Variants in PNPLA3 observed in about 807,000 individuals in gnomAD.
The protein encoded by PNPLA3 is patatin like domain 3, 1-acylglycerol-3-phosphate O-acyltransferase, also known as 1-acylglycerol-3-phosphate O-acyltransferase PNPLA3.
PNPLA3 carries 42 observed loss-of-function variants against 43.1 expected under a neutral mutation model. That is an observed-to-expected ratio of 0.97 (90% confidence interval 0.76 to 1.26). The LOEUF is 1.26. Ranked by LOEUF, PNPLA3 falls within the 50% of genes most tolerant of loss-of-function variation. The pLI is 0.00. For synonymous variants in PNPLA3, 272 were observed against 253.6 expected (o/e 1.07, Z -0.69); for missense variants, 647 against 621.4 (o/e 1.04, Z -0.44).
chr22:43,939,536 C>A (rs34352134), intron 6 of PNPLA3: 2 of 658,374 alleles, frequency 3.0e-6, no homozygotes, highest in East Asian at 1.1e-4. Flanking sequence ...CAGCCTGGGC[C>A]GGGCGCGGTG....
chr22:43,936,326 C>T (rs549716208), intron 5 of PNPLA3, among the ~76,000 whole-genome samples: 5 of 152,232 alleles, frequency 3.3e-5, no homozygotes, highest in South Asian at 2.1e-4. Context: ...AAGGCTCAGG[C>T]GTTGAGGAGC....
At chr22:43,924,950 C>T (rs1382124980) in intron 1 of PNPLA3, among the ~76,000 whole-genome samples, 1 of 152,102 alleles carries the variant, frequency 6.6e-6, no homozygotes, top group Non-Finnish European at 1.5e-5. Context: ...TCCCTGCTGC[C>T]TACGCTCTCT....
intron 4 of PNPLA3, 71 bp from the exon 5 acceptor site, chr22:43,934,535 T>G: frequency 6.8e-7 from 1 of 1,465,520 alleles, no homozygotes; most frequent in Non-Finnish European, 9.6e-7. Context: ...CTCTGCGGTC[T>G]TCCAATGATG....
In PNPLA3 at chr22:43,944,596, A is replaced by T. The variant is rs2050051152; in HGVS notation, c.1113-95A>T. ...ACCTTCTGGGAAGTCATCAGATTGG[A>T]GGTGATGTTGGCAGCTTTTGTAAAC... On this transcript the variant is annotated intron_variant, in intron 7 of 8. Coordinates refer to ENST00000216180, the MANE Select transcript of PNPLA3 (RefSeq NM_025225.3). 4.2e-6 allele frequency: 4 copies of T among 948,830 alleles called. No homozygotes were observed. The East Asian group carries it at 7.2e-5, about 17-fold the overall frequency. The allele number at this position is 948,830 out of a possible 1,614,324, so 58.8% of individuals were successfully genotyped here.
intron 5 of PNPLA3, among the ~76,000 whole-genome samples, chr22:43,936,690 G>A (rs2281135): frequency 0.2 from 30,114 of 152,140 alleles, 3,520 homozygotes; most frequent in East Asian, 0.39. Flanking sequence ...GATGATGATA[G>A]TGGTTTCTGT....
chr22:43,932,612 T>A (rs1222295220), intron 3 of PNPLA3, among the ~76,000 whole-genome samples: 1 of 152,250 alleles, frequency 6.6e-6, no homozygotes, highest in Non-Finnish European at 1.5e-5. Context: ...CCAGTTTCCA[T>A]CTGCCTCTTT....
Position 43,937,237 on chromosome 22 carries a change from G to A in PNPLA3, c.944G>A (p.Ser315Asn), listed in dbSNP as rs2050001546. The A allele has an allele frequency of 6.2e-7, 1 of 1,614,046 alleles. No homozygotes were observed. The highest frequency in any genetic ancestry group is 8.5e-7 in the Non-Finnish European group (1 of 1,179,994). Reference sequence around the variant, plus strand: ...CTCAGCATCCTGCCCTGGGATGAGAGCATCCTGGACACCCTCTCGCCCAGG... The same window carrying A: ...CTCAGCATCCTGCCCTGGGATGAGAACATCCTGGACACCCTCTCGCCCAGG... Reference protein sequence around the residue: ...LRLSILPWDESILDTLSPRLA... With the variant: ...LRLSILPWDENILDTLSPRLA... The change falls in exon 6 of 9, where the codon AGC becomes AAC. Residue 315 changes from serine to asparagine, a missense_variant. By Grantham distance (46) the Ser-to-Asn change is conservative. Transcript: ENST00000216180.
At chr22:43,927,385 G>C (rs1317865009) in intron 2 of PNPLA3, among the ~76,000 whole-genome samples, 1 of 152,010 alleles carries the variant, frequency 6.6e-6, no homozygotes, top group Non-Finnish European at 1.5e-5. Context: ...CCAGCTACTA[G>C]GGAGGCTGAG....
At position 43,932,818 on chromosome 22, in the gene PNPLA3, C is replaced by A. The variant is rs535549702; in HGVS notation, c.487-60C>A. Reference sequence around the variant, plus strand: ...TGCCCACATGTGAAAGCTTGTTAAGCACTTAAGCACTAACCCAGAGCTTCA... The same window carrying A: ...TGCCCACATGTGAAAGCTTGTTAAGAACTTAAGCACTAACCCAGAGCTTCA... On this transcript the variant is annotated intron_variant, in intron 3 of 8. Coordinates refer to ENST00000216180, the MANE Select transcript of PNPLA3 (RefSeq NM_025225.3). 2.0e-6 allele frequency: 3 copies of A among 1,478,850 alleles called. No individual in the cohort carries two copies. In the East Asian group the frequency reaches 6.8e-5, roughly 33 times the overall value. The allele number at this position is 1,478,850 out of a possible 1,614,324, so 91.6% of individuals were successfully genotyped here.
chr22:43,930,699 T>G (rs762428071), intron 3 of PNPLA3, among the ~76,000 whole-genome samples: 18 of 152,180 alleles, frequency 1.2e-4, no homozygotes, highest in Non-Finnish European at 2.6e-4. Flanking sequence ...AATATGTGCA[T>G]TGGCTGATTT....
chr22:43,936,205 A>T (rs2049994374), intron 5 of PNPLA3, among the ~76,000 whole-genome samples: 1 of 152,030 alleles, frequency 6.6e-6, no homozygotes, highest in South Asian at 2.1e-4. Flanking sequence ...CTGAGAACAG[A>T]TACCTGGCAA....
chr22:43,924,044 G>C lies in PNPLA3; in HGVS notation c.133G>C (p.Gly45Arg), dbSNP rs1454635391. 2.0e-5 allele frequency: 31 copies of C among 1,580,340 alleles called. No homozygotes were observed. The highest frequency in any genetic ancestry group is 2.6e-5 in the Non-Finnish European group (31 of 1,172,316). The part of the protein sequence containing the change: ...HLLRDARMLF[G>R]ASAGALHCVG... ...CCTCCGCGACGCGCGCATGTTGTTCGGCGCTTCGGCCGGGGCGTTGCACTG... is the reference window on the plus strand; with the variant it reads ...CCTCCGCGACGCGCGCATGTTGTTCCGCGCTTCGGCCGGGGCGTTGCACTG... The change falls in exon 1 of 9, where the codon GGC (glycine) becomes CGC (arginine). Residue 45 changes from glycine (G) to arginine (R), a missense_variant. By Grantham distance (125) the Gly-to-Arg change is moderately radical. Transcript: ENST00000216180.
In PNPLA3 at chr22:43,946,509, C is replaced by A; in HGVS notation, c.*127C>A. ...GACGTGGAGGATCCCAGCCTCTGAG[C>A]TGAGTTGGTTTTATGAAAAGCTAGG... On this transcript the variant is annotated 3_prime_UTR_variant, in exon 9 of 9. Transcript: ENST00000216180. 1.0e-6 allele frequency: 1 copy of A among 974,152 alleles called. No individual in the cohort carries two copies. The highest frequency in any genetic ancestry group is 1.4e-5 in the South Asian group (1 of 69,694). The allele number at this position is 974,152 out of a possible 1,614,324, so 60.3% of individuals were successfully genotyped here.
chr22:43,927,218 G>A (rs746208824), intron 2 of PNPLA3, 51 bp downstream of exon 2: 1 of 1,551,324 alleles, frequency 6.4e-7, no homozygotes, highest in East Asian at 2.3e-5. Context: ...GCTGTTTTGG[G>A]ATGGGTGTGG....
chr22:43,937,424 C>G, intron 6 of PNPLA3, 152 bp downstream of exon 6: 1 of 733,918 alleles, frequency 1.4e-6, no homozygotes, highest in Non-Finnish European at 2.3e-6. Context: ...GCCTGGGCTG[C>G]TGCCATCACT....
At chr22:43,932,533 A>C (rs889072109) in intron 3 of PNPLA3, among the ~76,000 whole-genome samples, 2 of 152,186 alleles carry the variant, frequency 1.3e-5, no homozygotes, top group Admixed American at 1.3e-4. Flanking sequence ...TGACCCCCTT[A>C]GGCATGTTAC....
chr22:43,927,957 T>C (rs1269937188), intron 2 of PNPLA3, among the ~76,000 whole-genome samples: 1 of 152,206 alleles, frequency 6.6e-6, no homozygotes, highest in East Asian at 1.9e-4. Flanking sequence ...GGTGTGCCTC[T>C]CCCGAGCTTC....
intron 3 of PNPLA3, 70 bp from the exon 4 acceptor site, chr22:43,932,807 AG>A (rs533161898): frequency 2.8e-6 from 4 of 1,408,142 alleles, no homozygotes; most frequent in Non-Finnish European, 4.0e-6. Context: ...CACATGTGAA[AG>A]CTTGTTAAGC....
intron 8 of PNPLA3, 134 bp downstream of exon 8, chr22:43,944,929 C>T: frequency 2.7e-6 from 2 of 748,588 alleles, no homozygotes; most frequent in East Asian, 2.6e-5. Context: ...GACCCTGTCT[C>T]ATGGGAGGCA....
Sources: allele counts gnomAD v4.1 joint callset (sites outside exome capture counted in the v4.1 genomes callset), GRCh38; gene constraint gnomAD v4.1.1; transcripts MANE v1.5; gene names NCBI Gene and HGNC (gene_info 2026-07-23, HGNC 2026-07-21).